Variants in CALCRL observed in about 807,000 individuals in gnomAD.
CALCRL encodes the protein calcitonin gene-related peptide type 1 receptor.
In CALCRL, 27 loss-of-function variants were observed where a neutral mutation model predicts 60.4. That is an observed-to-expected ratio of 0.45 (90% CI 0.33 to 0.62). The LOEUF (loss-of-function observed/expected upper bound fraction) is 0.62, where lower values mean the gene tolerates loss of function less well. CALCRL is among the 20% of genes least tolerant of loss of function. The probability of loss-of-function intolerance (pLI) is 0.03; values close to 1 mark genes in which losing one functional copy is unlikely to be tolerated. For missense variants in CALCRL, 424 were observed against 540.7 expected (o/e 0.78, Z 2.14); for synonymous variants, 190 against 182.6 (o/e 1.04, Z -0.33).
intron 1 of CALCRL, among the ~76,000 whole-genome samples, chr2:187,399,952 G>C (rs1193766629): frequency 6.6e-6 from 1 of 151,344 alleles, no homozygotes; most frequent in Admixed American, 6.6e-5. Context: ...TGGGTAGCAG[G>C]GAGAGAGTGA....
Position 187,363,378 on chromosome 2 carries a change from G to T in CALCRL, c.625C>A (p.Pro209Thr). The change falls in exon 9 of 15, where the codon CCT becomes ACT. Residue 209 changes from proline (P) to threonine (T), a missense_variant and splice_region_variant. By Grantham distance (38) the Pro-to-Thr change is conservative. Coordinates refer to ENST00000392370, the MANE Select transcript of CALCRL (RefSeq NM_005795.6). ...ANNQALVATNPVSCKVSQFIH... is the reference protein window; with the variant it reads ...ANNQALVATNTVSCKVSQFIH... ...GGGCACAATCTTGGTTTACTTACAG[G>T]ATTTGTGGCTACTAAGGCCTGGTTG... The T allele has an allele frequency of 1.2e-6, 2 of 1,608,132 alleles. No individual in the cohort carries two copies. Among genetic ancestry groups the T allele is most frequent in the South Asian group, 1.1e-5 (1 of 89,946 alleles).
At chr2:187,425,120 A>C (rs1690063158) in intron 1 of CALCRL, among the ~76,000 whole-genome samples, 1 of 151,888 alleles carries the variant, frequency 6.6e-6, no homozygotes, top group African/African-American at 2.4e-5. Flanking sequence ...ATGTTTTGGA[A>C]TCTAATAAAA....
At position 187,425,288 on chromosome 2, in the gene CALCRL, CA is replaced by C. The variant is rs1690071376; in HGVS notation, c.-293+22750del. On this transcript the variant is annotated intron_variant, in intron 1 of 14. Transcript: ENST00000392370. ...TGTTATTCATTATCAAAAACAAAAACAAAAGCAAGCTATTTGCTAATAGTCA... is the reference window on the plus strand; with the variant it reads ...TGTTATTCATTATCAAAAACAAAAACAAAGCAAGCTATTTGCTAATAGTCA... 2.0e-5 allele frequency among the ~76,000 whole-genome samples: 3 copies of C among 151,780 alleles called. No individual in the cohort carries two copies. In the South Asian group the frequency reaches 6.2e-4, roughly 31 times the overall value.
intron 1 of CALCRL, among the ~76,000 whole-genome samples, chr2:187,399,843 G>C (rs527429503): frequency 6.6e-6 from 1 of 151,548 alleles, no homozygotes; most frequent in South Asian, 2.1e-4. Flanking sequence ...AATAAGCCCA[G>C]AAAAGAAAGA....
intron 8 of CALCRL, 92 bp from the exon 9 acceptor site, chr2:187,363,594 C>A: frequency 7.9e-7 from 1 of 1,258,008 alleles, no homozygotes; most frequent in Non-Finnish European, 1.1e-6. Flanking sequence ...TTCATAGCAG[C>A]TGATCCACTT....
intron 4 of CALCRL, among the ~76,000 whole-genome samples, chr2:187,383,871 C>T (rs1559053734): frequency 6.6e-6 from 1 of 152,062 alleles, no homozygotes; most frequent in Non-Finnish European, 1.5e-5. Context: ...GTATGCACAT[C>T]AATAATGTTT....
intron 1 of CALCRL, among the ~76,000 whole-genome samples, chr2:187,416,063 G>T (rs983169685): frequency 1.3e-5 from 2 of 152,004 alleles, no homozygotes; most frequent in East Asian, 3.9e-4. Flanking sequence ...TAATAATACA[G>T]GTATAAAGTA....
Position 187,388,198 on chromosome 2 carries a change from A to G in CALCRL, c.-292-442T>C, listed in dbSNP as rs1688285483. 6.6e-5 allele frequency among the ~76,000 whole-genome samples: 10 copies of G among 152,058 alleles called. No homozygotes were observed. In the South Asian group the frequency reaches 2.1e-3, roughly 32 times the overall value. Reference sequence around the variant, plus strand: ...AATTCCACAAATCATTCTAAATTATACTGCCTTTAAAAATAAATTTTGTGT... The same window carrying G: ...AATTCCACAAATCATTCTAAATTATGCTGCCTTTAAAAATAAATTTTGTGT... On this transcript the variant is annotated intron_variant, in intron 1 of 14. Coordinates refer to ENST00000392370, the MANE Select transcript of CALCRL (RefSeq NM_005795.6).
At chr2:187,415,866 C>A in intron 1 of CALCRL, 1 of 303,384 alleles carries the variant, frequency 3.3e-6, no homozygotes, top group Non-Finnish European at 6.1e-6. Context: ...ACCACCAGCC[C>A]CAGCAAGAGC....
intron 1 of CALCRL, among the ~76,000 whole-genome samples, chr2:187,404,908 A>G (rs2105833128): frequency 6.6e-6 from 1 of 151,906 alleles, no homozygotes; most frequent in Non-Finnish European, 1.5e-5. Flanking sequence ...AAAAAAAGAT[A>G]GAGCAGTAGG....
At chr2:187,431,263 G>A (rs1006913871) in intron 1 of CALCRL, 1 of 154,882 alleles carries the variant, frequency 6.5e-6, no homozygotes, top group South Asian at 2.0e-4. Flanking sequence ...ACTTTTATTA[G>A]GTCATGAATG....
intron 1 of CALCRL, among the ~76,000 whole-genome samples, chr2:187,421,177 C>A (rs1689857125): frequency 6.6e-6 from 1 of 152,218 alleles, no homozygotes; most frequent in South Asian, 2.1e-4. Flanking sequence ...TACAAGATAA[C>A]TGAAATCAGC....
rs895179537 is a variant in CALCRL, at chr2:187,358,917, C to T, written c.909+146G>A. 1.8e-5 allele frequency: 13 copies of T among 730,214 alleles called. No individual in the cohort carries two copies. The Admixed American group carries it at 2.1e-4, about 12-fold the overall frequency. The allele number at this position is 730,214 out of a possible 1,614,324, so 45.2% of individuals were successfully genotyped here. On this transcript the variant is annotated intron_variant, in intron 12 of 14. Transcript: ENST00000392370. ...CCTGCGCATACATCAGATATGATACCTTCACTAAACGCTATTCATTTAAGC... is the reference window on the plus strand; with the variant it reads ...CCTGCGCATACATCAGATATGATACTTTCACTAAACGCTATTCATTTAAGC...
In CALCRL at chr2:187,351,950, G is replaced by C; in HGVS notation, c.1140C>G (p.Val380=). The C allele has an allele frequency of 6.3e-7, 1 of 1,594,588 alleles. No homozygotes were observed. Among genetic ancestry groups the C allele is most frequent in the Non-Finnish European group, 8.6e-7 (1 of 1,164,628 alleles). ...CATTAAAGAAGCAGAAAATGGTAGA[G>C]ACCAAAAGACCCTGTAAAAGAAAAA... ...HILMHFQGLL[V]STIFCFFNGE... The change falls in exon 14 of 15, where the codon GTC becomes GTG. Residue 380 remains valine, a synonymous_variant. Coordinates refer to ENST00000392370, the MANE Select transcript of CALCRL (RefSeq NM_005795.6).
chr2:187,392,367 T>C (rs1419957752), intron 1 of CALCRL, among the ~76,000 whole-genome samples: 3 of 152,184 alleles, frequency 2.0e-5, no homozygotes, highest in Non-Finnish European at 2.9e-5. Context: ...ACATACTTAA[T>C]TTGCCATAAG....
chr2:187,422,039 A>T (rs1317137883), intron 1 of CALCRL, among the ~76,000 whole-genome samples: 2 of 152,212 alleles, frequency 1.3e-5, no homozygotes, highest in African/African-American at 4.8e-5. Flanking sequence ...AAAGGAAAGT[A>T]GACATTGTCA....
chr2:187,409,984 T>C (rs1273444928), intron 1 of CALCRL, among the ~76,000 whole-genome samples: 1 of 152,172 alleles, frequency 6.6e-6, no homozygotes, highest in Non-Finnish European at 1.5e-5. Flanking sequence ...GGGAGTTTGA[T>C]GACTTGTTAA....
chr2:187,348,848 T>G (rs552478180), intron 14 of CALCRL, among the ~76,000 whole-genome samples: 1 of 151,776 alleles, frequency 6.6e-6, no homozygotes, highest in Non-Finnish European at 1.5e-5. Flanking sequence ...AAACTTTTAA[T>G]GAGAAAAAAT....
rs370936824 is a variant in CALCRL, at chr2:187,375,500, T to C, written c.500+3440A>G. On this transcript the variant is annotated intron_variant, in intron 8 of 14. Coordinates refer to ENST00000392370, the MANE Select transcript of CALCRL (RefSeq NM_005795.6). Reference sequence around the variant, plus strand: ...CAAATTTCTTATATTGGCAAGACATTCATTTGCTTTAACAAAGTGTTGCCA... The same window carrying C: ...CAAATTTCTTATATTGGCAAGACATCCATTTGCTTTAACAAAGTGTTGCCA... 1.4e-4 allele frequency among the ~76,000 whole-genome samples: 21 copies of C among 152,308 alleles called. No individual in the cohort carries two copies. The East Asian group carries it at 2.9e-3, about 21-fold the overall frequency.
Sources: allele counts gnomAD v4.1 joint callset (sites outside exome capture counted in the v4.1 genomes callset), GRCh38; gene constraint gnomAD v4.1.1; transcripts MANE v1.5; gene names NCBI Gene and HGNC (gene_info 2026-07-23, HGNC 2026-07-21).